Variants in VTI1A observed in about 807,000 individuals in gnomAD.
VTI1A encodes vesicle transport through interaction with t-SNAREs homolog 1A.
Under a neutral mutation model 34.9 loss-of-function variants are expected in VTI1A, and 22 were observed. The observed-to-expected ratio is 0.63, with a 90% CI of 0.45 to 0.90. VTI1A has a LOEUF of 0.90. Ranked by LOEUF, VTI1A falls within the 40% of genes least tolerant of loss-of-function variation. The pLI is 0.00. For missense variants in VTI1A, 268 were observed against 275.6 expected, an observed-to-expected ratio of 0.97 and a Z score of 0.20; for synonymous variants, 87 against 97.3, an observed-to-expected ratio of 0.89 and a Z score of 0.62.
chr10:112,449,666 T>C (rs989066563), intron 1 of VTI1A: 7 of 152,516 alleles, frequency 4.6e-5, no homozygotes, highest in African/African-American at 1.7e-4. Context: ...GGCAGGAGAA[T>C]CGCTTGAACC....
chr10:112,734,670 T>G (rs76365375), intron 7 of VTI1A, among the ~76,000 whole-genome samples: 1 of 141,110 alleles, frequency 7.1e-6, no homozygotes, highest in African/African-American at 2.8e-5. Context: ...TTTTTTTTTT[T>G]GACACAGAGT....
intron 5 of VTI1A, among the ~76,000 whole-genome samples, chr10:112,546,911 CTA>C (rs1460526787): frequency 6.6e-6 from 1 of 152,122 alleles, no homozygotes; most frequent in African/African-American, 2.4e-5. Context: ...TCTATGAAGG[CTA>C]TCTCTTTTTA....
intron 7 of VTI1A, among the ~76,000 whole-genome samples, chr10:112,788,732 C>CTT (rs1173361858): frequency 1.3e-5 from 2 of 151,982 alleles, no homozygotes; most frequent in African/African-American, 4.8e-5. Context: ...TTCCTTATGT[C>CTT]TTTTTGTTCC....
the VTI1A span, chr10:112,824,649 G>T: frequency 7.2e-5 from 11 of 152,262 alleles, no homozygotes; most frequent in Non-Finnish European, 1.3e-4. Context: ...ACGGATACCA[G>T]TGGGGCTCTG....
At chr10:112,539,481 C>T (rs967298360) in intron 5 of VTI1A, among the ~76,000 whole-genome samples, 14 of 152,184 alleles carry the variant, frequency 9.2e-5, no homozygotes, top group African/African-American at 3.1e-4. Context: ...TAGTTATGGA[C>T]AGCCCTTCAT....
intron 3 of VTI1A, among the ~76,000 whole-genome samples, chr10:112,480,170 C>T (rs1027176856): frequency 5.3e-5 from 8 of 151,820 alleles, no homozygotes; most frequent in Non-Finnish European, 7.4e-5. Flanking sequence ...ATGGTAGAAA[C>T]GAAAATGACT....
In VTI1A at chr10:112,468,356, C is replaced by CT. The variant is rs199644143; in HGVS notation, c.264+3707dup. On this transcript the variant is annotated intron_variant, in intron 3 of 7. Transcript: ENST00000393077. ...TCATTATTTCTTTTATAGATCTAAT[C>CT]TTTTTTTTAAATGAATGGAGAATAT... Among the ~76,000 whole-genome samples the CT allele has an allele frequency of 6.9e-3, 1,053 of 151,984 alleles. 14 individuals are homozygous for CT. Among genetic ancestry groups the CT allele is most frequent in the African/African-American group, 0.025 (1,023 of 41,436 alleles).
At chr10:112,590,451 G>A (rs147758238) in intron 5 of VTI1A, among the ~76,000 whole-genome samples, 92 of 152,266 alleles carry the variant, frequency 6.0e-4, no homozygotes, top group African/African-American at 2.2e-3. Context: ...CCAGCAATTT[G>A]GGAGGCTGAG....
At chr10:112,741,076 G>A (rs527766008) in intron 7 of VTI1A, among the ~76,000 whole-genome samples, 1 of 152,202 alleles carries the variant, frequency 6.6e-6, no homozygotes, top group Non-Finnish European at 1.5e-5. Flanking sequence ...TGAATCCATT[G>A]TATGGAATGT....
chr10:112,787,874 G>A (rs1852341125), intron 7 of VTI1A, among the ~76,000 whole-genome samples: 1 of 150,848 alleles, frequency 6.6e-6, no homozygotes, highest in African/African-American at 2.4e-5. Flanking sequence ...GCTAATTTTT[G>A]TATTTTTAGT....
At chr10:112,644,016 C>T (rs1473870652) in intron 5 of VTI1A, among the ~76,000 whole-genome samples, 1 of 151,876 alleles carries the variant, frequency 6.6e-6, no homozygotes, top group African/African-American at 2.4e-5. Context: ...GCTTTCAAGT[C>T]CTGATGGTTG....
intron 1 of VTI1A, among the ~76,000 whole-genome samples, chr10:112,457,416 G>A (rs1030536190): frequency 2.6e-5 from 4 of 152,210 alleles, no homozygotes; most frequent in Middle Eastern, 3.2e-3. Context: ...TCTTCCCAGA[G>A]CCTCTAAGTT....
intron 7 of VTI1A, among the ~76,000 whole-genome samples, chr10:112,802,228 C>T (rs561938750): frequency 3.3e-5 from 5 of 152,274 alleles, no homozygotes; most frequent in Admixed American, 3.3e-4. Context: ...AACAGGGAGA[C>T]ACCTTGTCTC....
intron 3 of VTI1A, among the ~76,000 whole-genome samples, chr10:112,513,614 G>A (rs1242901610): frequency 1.3e-5 from 2 of 151,772 alleles, no homozygotes; most frequent in East Asian, 1.9e-4. Context: ...GTCTTATCCC[G>A]GATCTTAAAG....
rs971334235 is a variant in VTI1A, at chr10:112,767,503, G to A, written c.561-47787G>A. On this transcript the variant is annotated intron_variant, in intron 7 of 7. Transcript: ENST00000393077. The surrounding 1 kb of genome is among the most constrained non-coding windows in gnomAD (Gnocchi z 4.0). ...AAAATCTGTCAGATTAAAAGCACAAGGAGAGAAACCATTCTAGTGTATTTG... is the reference window on the plus strand; with the variant it reads ...AAAATCTGTCAGATTAAAAGCACAAAGAGAGAAACCATTCTAGTGTATTTG... Among the ~76,000 whole-genome samples, 6 of 152,178 alleles carry A rather than the reference G, an allele frequency of 3.9e-5. No individual in the cohort carries two copies. The highest frequency in any genetic ancestry group is 1.4e-4 in the African/African-American group (6 of 41,444).
At chr10:112,570,198 G>A (rs977952230) in intron 5 of VTI1A, among the ~76,000 whole-genome samples, 16 of 152,060 alleles carry the variant, frequency 1.1e-4, no homozygotes, top group African/African-American at 3.4e-4. Flanking sequence ...TGGAGTCAGG[G>A]CATACATCTG....
chr10:112,563,530 TC>T (rs1397298721), intron 5 of VTI1A, among the ~76,000 whole-genome samples: 3 of 152,312 alleles, frequency 2.0e-5, no homozygotes, highest in African/African-American at 7.2e-5. Flanking sequence ...TGTTTTCCAG[TC>T]CTGATGTTTC....
chr10:112,646,498 G>C (rs1048797997), intron 5 of VTI1A, among the ~76,000 whole-genome samples: 2 of 151,846 alleles, frequency 1.3e-5, no homozygotes, highest in Non-Finnish European at 2.9e-5. Flanking sequence ...CAAGGGTGAT[G>C]AGCAAATCTG....
At chr10:112,460,247 A>G (rs1373251843) in intron 1 of VTI1A, among the ~76,000 whole-genome samples, 1 of 152,196 alleles carries the variant, frequency 6.6e-6, no homozygotes, top group Non-Finnish European at 1.5e-5. Flanking sequence ...AGTCTCTCCT[A>G]AAGGGCAACA....
Sources: allele counts gnomAD v4.1 joint callset (sites outside exome capture counted in the v4.1 genomes callset), GRCh38; gene constraint gnomAD v4.1.1; non-coding constraint Gnocchi (gnomAD v3.1); transcripts MANE v1.5; gene names NCBI Gene and HGNC (gene_info 2026-07-23, HGNC 2026-07-21).